ENPEP: variants seen among roughly 807,000 people sequenced by gnomAD.
ENPEP encodes AP-A.
ENPEP carries 103 observed loss-of-function variants against 114.5 expected under a neutral mutation model. That is an observed-to-expected ratio of 0.90 (90% CI 0.77 to 1.06). The LOEUF (loss-of-function observed/expected upper bound fraction) is 1.06. Among genes scored for constraint, ENPEP ranks in the 50% least tolerant of loss-of-function variants. The pLI is 0.00. For synonymous variants in ENPEP, 420 were observed against 422.0 expected (o/e 1.00, Z 0.06); for missense variants, 1,196 against 1,161.3 (o/e 1.03, Z -0.43).
rs1462751537 is a variant in ENPEP at position 110,563,232 on chromosome 4, T to C, written c.*1674T>C. On this transcript the variant is annotated 3_prime_UTR_variant, in exon 20 of 20. Coordinates refer to ENST00000265162, the MANE Select transcript of ENPEP (RefSeq NM_001977.4). ...GTATTGTTTCAAGTAGGACATATTA[T>C]GAGGTGAGATGGTTTATCCTTCTGT... 6.6e-6 allele frequency: 1 copy of C among 152,156 alleles called. No homozygotes were observed. 9.4% of individuals were successfully genotyped at this position (152,156 alleles called of 1,614,324 possible). A position where few individuals can be genotyped will look rare whatever the true frequency, so the allele number is the denominator to read the frequency against.
intron 4 of ENPEP, among the ~76,000 whole-genome samples, 160 bp downstream of exon 4, chr4:110,506,917 G>A (rs1057136227): frequency 4.0e-5 from 6 of 151,812 alleles, no homozygotes; most frequent in South Asian, 2.1e-4. Context: ...CTCCTGCCTC[G>A]GCCTCCCAAA....
chr4:110,546,056 T>C (rs1727042657), intron 13 of ENPEP, among the ~76,000 whole-genome samples: 1 of 152,054 alleles, frequency 6.6e-6, no homozygotes, highest in Admixed American at 6.6e-5. Context: ...TCTGGTGCCC[T>C]AGCCCTTGGA....
rs1302538316 is a variant in ENPEP at position 110,506,695 on chromosome 4, C to T, written c.977C>T (p.Thr326Ile). Residue 326 changes from threonine (T) to isoleucine (I), a missense_variant, in exon 4 of 20, where the codon ACT (threonine) becomes ATT (isoleucine). By Grantham distance (89) the Thr-to-Ile change is moderately conservative (BLOSUM62 -1). Transcript: ENST00000265162. ...ACAGCCGAATATGCTGCAAACATAA[C>T]TAAAAGTGTGTTTGATTATTTTGAA... is the stretch of plus-strand genomic sequence containing the variant. The part of the protein sequence containing the change: ...KHTAEYAANI[T>I]KSVFDYFEEY... 6.2e-7 allele frequency: 1 copy of T among 1,611,470 alleles called. No homozygotes were observed. The highest frequency in any genetic ancestry group is 1.7e-5 in the Admixed American group (1 of 59,934).
intron 18 of ENPEP, among the ~76,000 whole-genome samples, chr4:110,555,753 G>A (rs143173311): frequency 7.2e-5 from 11 of 151,984 alleles, no homozygotes; most frequent in African/African-American, 2.6e-4. Context: ...AGTTTTGTGT[G>A]TATTAAAATT....
At position 110,553,296 on chromosome 4, in the gene ENPEP, T is replaced by C. The variant is rs773237566; in HGVS notation, c.2502-19T>C. 6.5e-7 allele frequency: 1 copy of C among 1,541,570 alleles called. No homozygotes were observed. On this transcript the variant is annotated intron_variant, in intron 17 of 19. Coordinates refer to ENST00000265162, the MANE Select transcript of ENPEP (RefSeq NM_001977.4). The stretch of plus-strand genomic sequence containing the variant: ...TTAAAAGTTCACTTTGAATTGTTTT[T>C]CTGTTTGGCTTCTCTTAGGTATTTG...
At chr4:110,541,101 T>A (rs1002192494) in intron 11 of ENPEP, among the ~76,000 whole-genome samples, 3 of 152,098 alleles carry the variant, frequency 2.0e-5, no homozygotes, top group African/African-American at 7.2e-5. Flanking sequence ...AAGATTAGCT[T>A]CCTTTCAACA....
At chr4:110,506,492 G>A (rs1364060270) in intron 3 of ENPEP, 145 bp from the exon 4 acceptor site, 10 of 734,980 alleles carry the variant, frequency 1.4e-5, no homozygotes, top group Admixed American at 7.1e-5. Flanking sequence ...GAGACAACAC[G>A]CTAGTATGAG....
intron 1 of ENPEP, among the ~76,000 whole-genome samples, chr4:110,485,379 C>A (rs1724464878): frequency 6.6e-6 from 1 of 152,056 alleles, no homozygotes; most frequent in African/African-American, 2.4e-5. Context: ...CTAGATTCAC[C>A]AATTGTTTAC....
At chr4:110,534,513 T>TTC (rs1726536001) in intron 11 of ENPEP, among the ~76,000 whole-genome samples, 1 of 141,976 alleles carries the variant, frequency 7.0e-6, no homozygotes, top group African/African-American at 2.6e-5. Context: ...TCTTTTTTTT[T>TTC]TTTTTTTTTT....
chr4:110,548,235 A>G lies in ENPEP; in HGVS notation c.2060A>G (p.Glu687Gly), dbSNP rs1727152964. The G allele has an allele frequency of 6.2e-7, 1 of 1,601,326 alleles. No individual in the cohort carries two copies. Among genetic ancestry groups the G allele is most frequent in the African/African-American group, 1.4e-5 (1 of 73,722 alleles). The change falls in exon 14 of 20, where the codon GAG becomes GGG. Residue 687 changes from glutamate (E) to glycine (G), a missense_variant. Transcript: ENST00000265162. ...TTGACCAAGTATCTCAAAAGGGAAGAGAATTTTTTACCATGGCAGAGAGTA... is the reference window on the plus strand; with the variant it reads ...TTGACCAAGTATCTCAAAAGGGAAGGGAATTTTTTACCATGGCAGAGAGTA... ...LNLTKYLKRE[E>G]NFLPWQRVIS... is the part of the protein sequence containing the mutation.
In ENPEP at chr4:110,506,672, A is replaced by G; in HGVS notation, c.954A>G (p.Thr318=). 6 of 1,611,764 alleles carry G rather than the reference A, an allele frequency of 3.7e-6. No individual in the cohort carries two copies. Among genetic ancestry groups the G allele is most frequent in the Non-Finnish European group, 5.1e-6 (6 of 1,178,868 alleles). The change falls in exon 4 of 20, where the codon ACA becomes ACG. Residue 318 remains threonine, a synonymous_variant. Coordinates refer to ENST00000265162, the MANE Select transcript of ENPEP (RefSeq NM_001977.4). ...ATGTCCAGCCAGAGCAAAAGCACAC[A>G]GCCGAATATGCTGCAAACATAACTA... ...TIYVQPEQKH[T]AEYAANITKS... is the part of the protein sequence containing the mutation.
chr4:110,515,186 G>A (rs1725715571), intron 7 of ENPEP, among the ~76,000 whole-genome samples, 191 bp from the exon 8 acceptor site: 1 of 152,102 alleles, frequency 6.6e-6, no homozygotes, highest in Non-Finnish European at 1.5e-5. Flanking sequence ...TATTTTAGAT[G>A]CATAGATACA....
chr4:110,548,143 T>C, intron 13 of ENPEP, 33 bp from the exon 14 acceptor site: 3 of 625,148 alleles, frequency 4.8e-6, no homozygotes, highest in Admixed American at 7.2e-5. Context: ...CTGTGAGTTT[T>C]TTTTTTTTTT....
At chr4:110,498,143 A>G (rs17041828) in intron 3 of ENPEP, among the ~76,000 whole-genome samples, 29,019 of 152,124 alleles carry the variant, frequency 0.19, 3,381 homozygotes, top group African/African-American at 0.32. Context: ...AACCCTGAAG[A>G]GAGTGAAATA....
intron 8 of ENPEP, among the ~76,000 whole-genome samples, chr4:110,517,978 C>T (rs537204231): frequency 6.6e-6 from 1 of 152,328 alleles, no homozygotes; most frequent in Non-Finnish European, 1.5e-5. Flanking sequence ...TGAAATCCCA[C>T]AGGCTATGAA....
chr4:110,513,517 A>T lies in ENPEP; in HGVS notation c.1411A>T (p.Thr471Ser), dbSNP rs1230723654. 6.2e-7 allele frequency: 1 copy of T among 1,613,382 alleles called. No individual in the cohort carries two copies. Among genetic ancestry groups the T allele is most frequent in the Non-Finnish European group, 8.5e-7 (1 of 1,179,558 alleles). The change falls in exon 7 of 20, where the codon ACA (threonine) becomes TCA (serine). Residue 471 changes from threonine to serine, a missense_variant. By Grantham distance (58) the Thr-to-Ser change is moderately conservative. Transcript: ENST00000265162. Reference protein sequence around the residue: ...IVTVTTPDEITSVFDGISYSK... With the variant: ...IVTVTTPDEISSVFDGISYSK... ...GACTGTGACAACCCCTGATGAAATA[A>T]CATCTGTTTTTGATGGAATATCCTA...
intron 3 of ENPEP, among the ~76,000 whole-genome samples, chr4:110,495,765 G>C (rs770648392): frequency 6.6e-6 from 1 of 152,036 alleles, no homozygotes; most frequent in Admixed American, 6.6e-5. Context: ...TAAATGGCAC[G>C]AGTGATTTCG....
At chr4:110,557,671 G>A (rs1044236221) in intron 18 of ENPEP, among the ~76,000 whole-genome samples, 2 of 152,180 alleles carry the variant, frequency 1.3e-5, no homozygotes, top group Non-Finnish European at 2.9e-5. Context: ...TCTAGGAAAT[G>A]TGTCAGAGGC....
intron 18 of ENPEP, among the ~76,000 whole-genome samples, chr4:110,555,954 G>A (rs1428863776): frequency 2.0e-5 from 3 of 151,812 alleles, no homozygotes; most frequent in Non-Finnish European, 2.9e-5. Context: ...TTCCTGGGGT[G>A]TACATATTTT....
Sources: gnomAD v4.1 joint callset for allele counts (sites outside exome capture counted in the v4.1 genomes callset) on GRCh38, gnomAD v4.1.1 for gene constraint, MANE v1.5 for transcripts, NCBI Gene and HGNC (gene_info 2026-07-23, HGNC 2026-07-21) for gene names.